ST3GAL3: variants seen among roughly 807,000 people sequenced by gnomAD.
The protein encoded by ST3GAL3 is ST3 beta-galactoside alpha-2,3-sialyltransferase 3.
ST3GAL3 carries 21 observed loss-of-function variants against 50.1 expected under a neutral mutation model. That is an observed-to-expected ratio of 0.42 (90% CI 0.30 to 0.60). The LOEUF (loss-of-function observed/expected upper bound fraction) is 0.60. Ranked by LOEUF, ST3GAL3 falls within the 20% of genes least tolerant of loss-of-function variation. The pLI is 0.19. For synonymous variants in ST3GAL3, 183 were observed against 190.0 expected (o/e 0.96, Z 0.30); for missense variants, 353 against 489.4 (o/e 0.72, Z 2.63).
At chr1:43,866,556 C>G (rs919578599) in intron 5 of ST3GAL3, among the ~76,000 whole-genome samples, 1 of 151,312 alleles carries the variant, frequency 6.6e-6, no homozygotes, top group African/African-American at 2.4e-5. Flanking sequence ...TGCACTCCAG[C>G]CTGGATGACA....
intron 9 of ST3GAL3, among the ~76,000 whole-genome samples, chr1:43,900,005 C>T (rs189928240): frequency 1.8e-4 from 28 of 152,272 alleles, no homozygotes; most frequent in Non-Finnish European, 3.8e-4. Context: ...TAGCCAGACC[C>T]CAGCAGCCCC....
intron 4 of ST3GAL3, among the ~76,000 whole-genome samples, chr1:43,835,638 C>A (rs536861877): frequency 1.4e-3 from 207 of 152,196 alleles, no homozygotes; most frequent in African/African-American, 4.6e-3. Flanking sequence ...TCTTTAAGTA[C>A]CTTGCCAAAA....
chr1:43,846,832 A>C (rs1318546584), intron 5 of ST3GAL3, among the ~76,000 whole-genome samples: 1 of 152,182 alleles, frequency 6.6e-6, no homozygotes. Flanking sequence ...CAATTATTTA[A>C]AATAATTTAA....
chr1:43,731,448 G>A (rs1290955547), intron 1 of ST3GAL3, among the ~76,000 whole-genome samples: 8 of 143,536 alleles, frequency 5.6e-5, no homozygotes, highest in South Asian at 2.2e-4. Flanking sequence ...GCAGTGGCGC[G>A]ATCTAGGCTC....
At chr1:43,787,637 G>A (rs2057512785) in intron 2 of ST3GAL3, among the ~76,000 whole-genome samples, 1 of 152,198 alleles carries the variant, frequency 6.6e-6, no homozygotes, top group South Asian at 2.1e-4. Context: ...GCTACCATTG[G>A]AAATAATATT....
At chr1:43,896,360 T>C (rs1410592111) in intron 6 of ST3GAL3, among the ~76,000 whole-genome samples, 1 of 152,140 alleles carries the variant, frequency 6.6e-6, no homozygotes, top group African/African-American at 2.4e-5. Flanking sequence ...TTTCTTTACA[T>C]AAAATATTTC....
intron 11 of ST3GAL3, among the ~76,000 whole-genome samples, chr1:43,927,627 C>G (rs1372990186): frequency 1.2e-4 from 19 of 152,180 alleles, no homozygotes; most frequent in Non-Finnish European, 2.2e-4. Context: ...TCTGTTTTCC[C>G]TGTAAAACCT....
intron 2 of ST3GAL3, among the ~76,000 whole-genome samples, chr1:43,752,045 G>C (rs1183879119): frequency 6.6e-6 from 1 of 152,118 alleles, no homozygotes; most frequent in Non-Finnish European, 1.5e-5. Flanking sequence ...TCGAACTCCT[G>C]ACCTCAGGCT....
intron 5 of ST3GAL3, among the ~76,000 whole-genome samples, chr1:43,853,451 C>G (rs1279263771): frequency 6.6e-6 from 1 of 152,198 alleles, no homozygotes; most frequent in Non-Finnish European, 1.5e-5. Context: ...AGAAGTCAAG[C>G]AGTTTGCCCG....
intron 2 of ST3GAL3, among the ~76,000 whole-genome samples, chr1:43,755,164 C>T (rs1687589663): frequency 6.6e-6 from 1 of 151,942 alleles, no homozygotes; most frequent in Non-Finnish European, 1.5e-5. Flanking sequence ...TCCTGCAAAT[C>T]AAGAAGAAAA....
intron 9 of ST3GAL3, among the ~76,000 whole-genome samples, chr1:43,904,896 TC>T (rs1293861520): frequency 3.6e-5 from 5 of 139,352 alleles, no homozygotes; most frequent in South Asian, 2.4e-4. Flanking sequence ...CCACTCTTCC[TC>T]CCCCTCCTCC....
chr1:43,864,370 G>A (rs1232085270), intron 5 of ST3GAL3, among the ~76,000 whole-genome samples: 1 of 152,184 alleles, frequency 6.6e-6, no homozygotes, highest in African/African-American at 2.4e-5. Flanking sequence ...TCTGATAAGG[G>A]CCCCTAACCA....
intron 5 of ST3GAL3, among the ~76,000 whole-genome samples, chr1:43,851,876 A>G (rs2067385333): frequency 6.6e-6 from 1 of 152,192 alleles, no homozygotes; most frequent in Non-Finnish European, 1.5e-5. Flanking sequence ...GACTGGCCGC[A>G]CCAACCCCAA....
At chr1:43,848,294 C>CTTTTTTTTT (rs58438507) in intron 5 of ST3GAL3, among the ~76,000 whole-genome samples, 2 of 70,376 alleles carry the variant, frequency 2.8e-5, no homozygotes, top group African/African-American at 6.0e-5. Flanking sequence ...TTGTGGTTTT[C>CTTTTTTTTT]TTTTTTTTTT....
At chr1:43,851,099 A>G in intron 5 of ST3GAL3, 1 of 948,706 alleles carries the variant, frequency 1.1e-6, no homozygotes, top group Non-Finnish European at 1.7e-6. Flanking sequence ...GTTTTTCTGC[A>G]GCGGGGCATA....
chr1:43,742,093 A>G (rs1391233819), intron 2 of ST3GAL3, among the ~76,000 whole-genome samples: 1 of 152,182 alleles, frequency 6.6e-6, no homozygotes, highest in Non-Finnish European at 1.5e-5. Context: ...GAAGCTTACC[A>G]TATAGACAGC....
chr1:43,714,432 CAA>C (rs35400929), intron 1 of ST3GAL3, among the ~76,000 whole-genome samples: 21 of 73,708 alleles, frequency 2.8e-4, no homozygotes, highest in African/African-American at 1.2e-3. Context: ...TACTAAAATA[CAA>C]AAAAAAAAAA....
chr1:43,723,548 G>T (rs764574830), intron 1 of ST3GAL3, among the ~76,000 whole-genome samples: 1 of 152,046 alleles, frequency 6.6e-6, no homozygotes, highest in Non-Finnish European at 1.5e-5. Flanking sequence ...AAATAAACTC[G>T]TTTCTTTAGA....
intron 9 of ST3GAL3, among the ~76,000 whole-genome samples, chr1:43,906,071 CT>C (rs1328276706): frequency 9.1e-6 from 1 of 109,846 alleles, no homozygotes; most frequent in East Asian, 3.3e-4. Flanking sequence ...CTTCCTGCCA[CT>C]TTTCCTCCCC....
Sources: gnomAD v4.1 joint callset for allele counts (sites outside exome capture counted in the v4.1 genomes callset) on GRCh38, gnomAD v4.1.1 for gene constraint, MANE v1.5 for transcripts, NCBI Gene and HGNC (gene_info 2026-07-23, HGNC 2026-07-21) for gene names.